The following ATRX variants were observed in gnomAD, a reference collection of about 807,000 sequenced individuals.
ATRX encodes the protein ATRX chromatin remodeler, also known as chromatin remodeler ATRX.
A neutral mutation model predicts 172.6 loss-of-function variants in ATRX; 12 were observed. The ratio of observed to expected loss-of-function variants is 0.07; its 90% confidence interval spans 0.04 to 0.11. The LOEUF is 0.11. ATRX is among the 10% of genes least tolerant of loss of function. ATRX has a pLI of 1.00. For missense variants in ATRX, 1,368 were observed against 1,767.4 expected, an observed-to-expected ratio of 0.77 and a Z score of 4.05; for synonymous variants, 674 against 594.7, an observed-to-expected ratio of 1.13 and a Z score of -1.94.
At chrX:77,611,030 T>C (rs782819261) in intron 22 of ATRX, among the ~76,000 whole-genome samples, 1 of 110,131 alleles carries the variant, frequency 9.1e-6, no homozygotes, top group East Asian at 2.8e-4. Context: ...GACATTTAAG[T>C]GTCACACATA....
At chrX:77,648,975 C>T (rs1490945054) in intron 15 of ATRX, among the ~76,000 whole-genome samples, 3 of 110,446 alleles carry the variant, frequency 2.7e-5, no homozygotes, top group Non-Finnish European at 5.7e-5. Context: ...TCAAGACCAG[C>T]CTGGGTAGCA....
intron 28 of ATRX, among the ~76,000 whole-genome samples, chrX:77,561,872 A>G (rs1432283357): frequency 3.6e-5 from 4 of 111,579 alleles, no homozygotes; most frequent in Non-Finnish European, 5.7e-5. Context: ...TCAAGTACAG[A>G]GCTCATTTGG....
chrX:77,612,416 T>TG (rs1325829165), intron 22 of ATRX, among the ~76,000 whole-genome samples: 2 of 93,668 alleles, frequency 2.1e-5, no homozygotes, highest in African/African-American at 8.2e-5. Flanking sequence ...TGGGGCCTGT[T>TG]GGGGGGTGAG....
At chrX:77,527,484 G>C (rs1276624151) in intron 30 of ATRX, among the ~76,000 whole-genome samples, 1 of 112,125 alleles carries the variant, frequency 8.9e-6, no homozygotes, top group Non-Finnish European at 1.9e-5. Flanking sequence ...TGCAACATGC[G>C]GAGCAGGAGA....
At chrX:77,728,946 T>C (rs1272005526) in intron 1 of ATRX, among the ~76,000 whole-genome samples, 1 of 107,300 alleles carries the variant, frequency 9.3e-6, no homozygotes, top group African/African-American at 3.4e-5. Flanking sequence ...ATTTTTAGTA[T>C]AGACGGGGTT....
intron 14 of ATRX, among the ~76,000 whole-genome samples, chrX:77,652,619 G>A (rs2069313172): frequency 9.3e-6 from 1 of 107,078 alleles, no homozygotes; most frequent in Non-Finnish European, 1.9e-5. Flanking sequence ...GGCTAACACG[G>A]TGAAACCCCG....
At chrX:77,517,510 C>T (rs912179078) in intron 34 of ATRX, among the ~76,000 whole-genome samples, 7 of 111,469 alleles carry the variant, frequency 6.3e-5, no homozygotes, top group Admixed American at 2.9e-4. Flanking sequence ...TAACAAGTAA[C>T]GAGATTAAAG....
chrX:77,737,849 C>T (rs2074670531), intron 1 of ATRX, among the ~76,000 whole-genome samples: 1 of 111,281 alleles, frequency 9.0e-6, no homozygotes, highest in Non-Finnish European at 1.9e-5. Context: ...ACTTAAAAAG[C>T]ATCTCTTAGG....
intron 25 of ATRX, chrX:77,596,995 T>C (rs2066488842): frequency 9.0e-6 from 1 of 111,269 alleles, no homozygotes; most frequent in South Asian, 3.8e-4. Flanking sequence ...GTAAACTTTA[T>C]ATATTTTTAA....
chrX:77,689,284 GAAGT>G (rs1220898997), intron 6 of ATRX, among the ~76,000 whole-genome samples: 1 of 111,954 alleles, frequency 8.9e-6, no homozygotes, highest in African/African-American at 3.2e-5. Context: ...AAAGAATGGG[GAAGT>G]AAGTAACATA....
chrX:77,653,963 C>A, intron 14 of ATRX, 135 bp downstream of exon 14: 1 of 478,414 alleles, frequency 2.1e-6, no homozygotes, highest in Non-Finnish European at 3.5e-6. Flanking sequence ...ATTCAATAAC[C>A]AATCCTTCCA....
chrX:77,543,191 A>C (rs986894224), intron 30 of ATRX, among the ~76,000 whole-genome samples: 1 of 112,685 alleles, frequency 8.9e-6, no homozygotes, highest in African/African-American at 3.2e-5. Flanking sequence ...ATATGCAGCC[A>C]ACAGACATGA....
rs1557139133 is a variant in ATRX, at chrX:77,682,592, G to C, written c.2664C>G (p.Phe888Leu). The change falls in exon 9 of 35, where the codon TTC becomes TTG. Residue 888 changes from phenylalanine (F) to leucine (L), a missense_variant. Physicochemically the swap from Phe to Leu is conservative, Grantham distance 22. This residue lies in a region of ATRX where 843 missense variants were observed against 643.1 expected (regional missense o/e 1.31). Transcript: ENST00000373344. ...DAERKQERET[F>L]SSAEGTVDKD... ...TATCAACTGTGCCTTCTGCTGAAGA[G>C]AAAGTCTCTCTCTCTTGTTTTCTTT... 2.5e-6 allele frequency: 3 copies of C among 1,208,828 alleles called. No individual in the cohort carries two copies. Among genetic ancestry groups the C allele is most frequent in the African/African-American group, 3.5e-5 (2 of 57,100 alleles).
At chrX:77,601,932 A>C (rs2066693117) in intron 22 of ATRX, among the ~76,000 whole-genome samples, 1 of 111,961 alleles carries the variant, frequency 8.9e-6, no homozygotes, top group Non-Finnish European at 1.9e-5. Flanking sequence ...ATTCACTTAT[A>C]ATTCTTTTTA....
intron 12 of ATRX, among the ~76,000 whole-genome samples, chrX:77,659,912 T>C (rs2069776356): frequency 9.0e-6 from 1 of 111,339 alleles, no homozygotes; most frequent in Admixed American, 9.6e-5. Flanking sequence ...ACTTCAACTA[T>C]ATATCAACCA....
chrX:77,688,020 C>T (rs1272484764), intron 7 of ATRX, among the ~76,000 whole-genome samples: 1 of 111,582 alleles, frequency 9.0e-6, no homozygotes, highest in Non-Finnish European at 1.9e-5. Context: ...TCGCTGCAAC[C>T]TCCACCTCCC....
intron 10 of ATRX, chrX:77,675,745 T>G (rs1272173718): frequency 8.1e-6 from 1 of 124,207 alleles, no homozygotes; most frequent in African/African-American, 3.2e-5. Context: ...AACTGACACT[T>G]ATTTTGAAAG....
At chrX:77,647,819 T>C (rs2068994749) in intron 15 of ATRX, among the ~76,000 whole-genome samples, 2 of 111,730 alleles carry the variant, frequency 1.8e-5, no homozygotes, top group Non-Finnish European at 3.8e-5. Flanking sequence ...AGATAAAGAT[T>C]AGTACATAAA....
intron 1 of ATRX, among the ~76,000 whole-genome samples, chrX:77,769,617 C>T (rs1557198017): frequency 9.0e-6 from 1 of 110,941 alleles, no homozygotes; most frequent in African/African-American, 3.3e-5. Flanking sequence ...TTGCAACAAA[C>T]GGAAACAATC....
Sources: gnomAD v4.1 joint callset for allele counts (sites outside exome capture counted in the v4.1 genomes callset) on GRCh38, gnomAD v4.1.1 for gene constraint, gnomAD v4.1.1 regional missense constraint, MANE v1.5 for transcripts, NCBI Gene and HGNC (gene_info 2026-07-23, HGNC 2026-07-21) for gene names.